MGME1: variants seen among roughly 807,000 people sequenced by gnomAD.
MGME1 encodes the protein mitochondrial genome maintenance exonuclease 1.
A neutral mutation model predicts 33.0 loss-of-function variants in MGME1; 22 were observed. That is an observed-to-expected ratio of 0.67 (90% CI 0.48 to 0.95). The LOEUF (loss-of-function observed/expected upper bound fraction) is 0.95, where lower values mean the gene tolerates loss of function less well. Ranked by LOEUF, MGME1 falls within the 40% of genes least tolerant of loss-of-function variation. MGME1 has a pLI of 0.00. For synonymous variants in MGME1, 133 were observed against 144.0 expected, an observed-to-expected ratio of 0.92 and a Z score of 0.55; for missense variants, 383 against 397.8, an observed-to-expected ratio of 0.96 and a Z score of 0.32.
chr20:17,973,232 T>C (rs1025579307), intron 2 of MGME1, among the ~76,000 whole-genome samples: 1 of 152,092 alleles, frequency 6.6e-6, no homozygotes, highest in Non-Finnish European at 1.5e-5. Context: ...TAATCCCAGC[T>C]ACTACGGAGG....
chr20:17,972,834 TCTG>T (rs949927812), intron 2 of MGME1: 2 of 944,212 alleles, frequency 2.1e-6, no homozygotes, highest in African/African-American at 3.5e-5. Flanking sequence ...ATGTTTGTCT[TCTG>T]CTTCATTAAC....
In MGME1 at chr20:17,990,754, A is replaced by G. The variant is rs1212504620; in HGVS notation, c.*645A>G. ...GGCAATATGTCATTGCGTAACACCA[A>G]ATAACCCCCCAGAAGTAGCCAGAGG... is the stretch of plus-strand genomic sequence containing the variant. On this transcript the variant is annotated 3_prime_UTR_variant, in exon 5 of 5. Transcript: ENST00000377710. 1 of 152,316 alleles carries G rather than the reference A, an allele frequency of 6.6e-6. No individual in the cohort carries two copies. The highest frequency in any genetic ancestry group is 2.4e-5 in the African/African-American group (1 of 41,464). 9.4% of individuals were successfully genotyped at this position (152,316 alleles called of 1,614,324 possible).
chr20:17,982,668 A>G (rs975312363), intron 3 of MGME1, among the ~76,000 whole-genome samples: 2 of 152,176 alleles, frequency 1.3e-5, no homozygotes, highest in African/African-American at 4.8e-5. Context: ...TGTATTTTTA[A>G]TTTGCATGTC....
chr20:17,977,018 A>G (rs139647439), intron 3 of MGME1, among the ~76,000 whole-genome samples: 1 of 151,992 alleles, frequency 6.6e-6, no homozygotes, highest in South Asian at 2.1e-4. Context: ...TCAGAGTCCA[A>G]GTGTTACAGG....
chr20:17,981,015 C>G (rs1235841454), intron 3 of MGME1, among the ~76,000 whole-genome samples: 1 of 152,008 alleles, frequency 6.6e-6, no homozygotes, highest in Non-Finnish European at 1.5e-5. Flanking sequence ...TTGAACCACC[C>G]GTGGCCAAAG....
chr20:17,972,828 T>C, intron 2 of MGME1: 1 of 964,818 alleles, frequency 1.0e-6, no homozygotes, highest in Non-Finnish European at 1.2e-6. Context: ...TTTAACATGT[T>C]TGTCTTCTGC....
intron 2 of MGME1, among the ~76,000 whole-genome samples, chr20:17,974,590 T>C (rs2035813331): frequency 6.6e-6 from 1 of 152,218 alleles, no homozygotes; most frequent in Admixed American, 6.5e-5. Flanking sequence ...TAATGTGTCC[T>C]AATGAAATTT....
chr20:17,972,784 G>T (rs1600379234), intron 2 of MGME1: 1 of 985,290 alleles, frequency 1.0e-6, no homozygotes, highest in East Asian at 1.1e-4. Context: ...ATGGTCTATT[G>T]GCATGGCATT....
At position 17,990,069 on chromosome 20, in the gene MGME1, A is replaced by C. The variant is rs1445539346; in HGVS notation, c.995A>C (p.Lys332Thr). 1 of 1,614,160 alleles carries C rather than the reference A, an allele frequency of 6.2e-7. No individual in the cohort carries two copies. Among genetic ancestry groups the C allele is most frequent in the Admixed American group, 1.7e-5 (1 of 60,008 alleles). The change falls in exon 5 of 5, where the codon AAA becomes ACA. Residue 332 changes from lysine to threonine, a missense_variant. Transcript: ENST00000377710. ...CGACTAGAAGAATATACGGAAAAGA[A>C]AAAGAACCAGAATATTCAGAAACCA... ...LLRLEEYTEK[K>T]KNQNIQKPEY...
chr20:17,969,409 G>A (rs1227682400), intron 1 of MGME1, among the ~76,000 whole-genome samples: 1 of 152,242 alleles, frequency 6.6e-6, no homozygotes, highest in Non-Finnish European at 1.5e-5. Flanking sequence ...GACCAAATGA[G>A]AAGTATCCAC....
intron 1 of MGME1, 32 bp from the exon 2 acceptor site, chr20:17,969,769 T>C: frequency 7.6e-7 from 1 of 1,319,292 alleles, no homozygotes; most frequent in Non-Finnish European, 1.0e-6. Flanking sequence ...CTGATGCAGC[T>C]TTCGCTTTGA....
intron 1 of MGME1, 124 bp from the exon 2 acceptor site, chr20:17,969,667 TGGAGGCAGGG>T: frequency 1.8e-6 from 1 of 551,092 alleles, no homozygotes; most frequent in African/African-American, 1.9e-5. Flanking sequence ...AAATTTTTTT[TGGAGGCAGGG>T]TCTCGCTCTG....
intron 3 of MGME1, among the ~76,000 whole-genome samples, chr20:17,977,886 G>A (rs1176024084): frequency 6.6e-6 from 1 of 152,110 alleles, no homozygotes; most frequent in Admixed American, 6.6e-5. Flanking sequence ...CTGATACAAA[G>A]GTGGCTACAA....
Position 17,990,220 on chromosome 20 carries a change from A to G in MGME1, c.*111A>G. The G allele has an allele frequency of 5.7e-6, 5 of 884,886 alleles. No individual in the cohort carries two copies. Among genetic ancestry groups the G allele is most frequent in the Non-Finnish European group, 9.2e-6 (5 of 540,788 alleles). 54.8% of individuals were successfully genotyped at this position (884,886 alleles called of 1,614,324 possible). A position where few individuals can be genotyped will look rare whatever the true frequency, so the allele number is the denominator to read the frequency against. ...TGCCACTGGATCTGAGTGCTACACG[A>G]ACACAAGTAGAAGTATTAATTTGTT... On this transcript the variant is annotated 3_prime_UTR_variant, in exon 5 of 5. Transcript: ENST00000377710.
At chr20:17,973,783 C>A (rs1464533629) in intron 2 of MGME1, among the ~76,000 whole-genome samples, 1 of 152,160 alleles carries the variant, frequency 6.6e-6, no homozygotes, top group Non-Finnish European at 1.5e-5. Context: ...TTCCTTTGCT[C>A]TACTGTGTGG....
At chr20:17,976,278 C>CATGTGTG in intron 3 of MGME1, among the ~76,000 whole-genome samples, 1 of 152,100 alleles carries the variant, frequency 6.6e-6, no homozygotes, top group Non-Finnish European at 1.5e-5. Context: ...CATGCACCAC[C>CATGTGTG]GCACCTGGCT....
chr20:17,976,685 G>C (rs8115927), intron 3 of MGME1, among the ~76,000 whole-genome samples: 1,803 of 151,848 alleles, frequency 0.012, 33 homozygotes, highest in African/African-American at 0.04. Flanking sequence ...TTTTGAGACG[G>C]AGTTTTGCTC....
chr20:17,976,887 C>T (rs967459043), intron 3 of MGME1, among the ~76,000 whole-genome samples: 6 of 152,096 alleles, frequency 3.9e-5, no homozygotes, highest in Middle Eastern at 6.8e-3. Flanking sequence ...TCTCGAACTT[C>T]GGACCTCAGG....
chr20:17,972,548 A>G (rs1165852848), intron 2 of MGME1, among the ~76,000 whole-genome samples: 1 of 151,082 alleles, frequency 6.6e-6, no homozygotes, highest in Non-Finnish European at 1.5e-5. Context: ...AGTGCACTTC[A>G]TATACGAGGA....
Sources: allele counts gnomAD v4.1 joint callset (sites outside exome capture counted in the v4.1 genomes callset), GRCh38; gene constraint gnomAD v4.1.1; transcripts MANE v1.5; gene names NCBI Gene and HGNC (gene_info 2026-07-23, HGNC 2026-07-21).